PCDH15: variants seen among roughly 807,000 people sequenced by gnomAD.
PCDH15 encodes protocadherin-15.
A neutral mutation model predicts 178.5 loss-of-function variants in PCDH15; 129 were observed. The ratio of observed to expected loss-of-function variants is 0.72; its 90% CI spans 0.63 to 0.84. The LOEUF (loss-of-function observed/expected upper bound fraction) is 0.84, where lower values mean the gene tolerates loss of function less well. PCDH15 is among the 40% of genes least tolerant of loss of function. PCDH15 has a pLI of 0.00. For synonymous variants in PCDH15, 800 were observed against 732.0 expected (o/e 1.09, Z -1.50); for missense variants, 2,230 against 2,099.9 (o/e 1.06, Z -1.21).
chr10:54,269,305 C>T (rs1162109922), intron 8 of PCDH15, among the ~76,000 whole-genome samples: 2 of 151,816 alleles, frequency 1.3e-5, no homozygotes, highest in African/African-American at 4.8e-5. Flanking sequence ...ACTTTTTCCT[C>T]GCATTGGTAG....
At chr10:54,985,036 C>T (rs1277362112) in intron 2 of PCDH15, among the ~76,000 whole-genome samples, 1 of 152,112 alleles carries the variant, frequency 6.6e-6, no homozygotes, top group Non-Finnish European at 1.5e-5. Flanking sequence ...ACCCTTTCCA[C>T]CCTCCCAGGG....
At chr10:53,919,041 G>A (rs2083775546) in intron 25 of PCDH15, among the ~76,000 whole-genome samples, 1 of 152,072 alleles carries the variant, frequency 6.6e-6, no homozygotes, top group Non-Finnish European at 1.5e-5. Flanking sequence ...TTCTTCTGTT[G>A]CATCAGTCTG....
intron 2 of PCDH15, among the ~76,000 whole-genome samples, chr10:55,393,982 A>G (rs1837861792): frequency 6.6e-6 from 1 of 151,836 alleles, no homozygotes; most frequent in Admixed American, 6.6e-5. Flanking sequence ...AATATATATA[A>G]CTTTTTTTTT....
At chr10:54,488,268 T>G (rs1394444973) in intron 3 of PCDH15, among the ~76,000 whole-genome samples, 2 of 151,886 alleles carry the variant, frequency 1.3e-5, no homozygotes, top group East Asian at 3.9e-4. Context: ...GTTTTGAACT[T>G]ATATTAAACC....
At chr10:55,594,204 G>T (rs1301730048) in intron 2 of PCDH15, among the ~76,000 whole-genome samples, 1 of 151,760 alleles carries the variant, frequency 6.6e-6, no homozygotes, top group Non-Finnish European at 1.5e-5. Context: ...CTTTTTACAA[G>T]AAATGTGTGT....
intron 8 of PCDH15, among the ~76,000 whole-genome samples, chr10:54,242,148 A>G (rs1195098810): frequency 8.1e-5 from 6 of 73,710 alleles, no homozygotes; most frequent in African/African-American, 4.1e-4. Context: ...ATATATATAT[A>G]TATATATATA....
chr10:54,348,006 G>A lies in PCDH15; in HGVS notation c.475-1522C>T, dbSNP rs902747968. 6.6e-5 allele frequency among the ~76,000 whole-genome samples: 10 copies of A among 151,740 alleles called. No individual in the cohort carries two copies. In the South Asian group the frequency reaches 1.3e-3, roughly 19 times the overall value. ...TGGGACCACAGGCGCCCACCACCACGCCCGGCTAATTTTTTGTATTTTTAG... is the reference window on the plus strand; with the variant it reads ...TGGGACCACAGGCGCCCACCACCACACCCGGCTAATTTTTTGTATTTTTAG... On this transcript the variant is annotated intron_variant, in intron 5 of 37. Transcript: ENST00000644397.
chr10:54,539,058 GA>G (rs1261282447), intron 2 of PCDH15, among the ~76,000 whole-genome samples: 1 of 152,170 alleles, frequency 6.6e-6, no homozygotes, highest in Non-Finnish European at 1.5e-5. Flanking sequence ...CAATGAGTAT[GA>G]AATGCTTTTT....
At chr10:55,078,903 C>G (rs1841973685) in intron 2 of PCDH15, among the ~76,000 whole-genome samples, 1 of 152,090 alleles carries the variant, frequency 6.6e-6, no homozygotes, top group Non-Finnish European at 1.5e-5. Context: ...AGTTACTTCA[C>G]TTAGAATAAC....
At chr10:54,154,495 C>CTTTA (rs1454999143) in intron 13 of PCDH15, among the ~76,000 whole-genome samples, 1 of 152,020 alleles carries the variant, frequency 6.6e-6, no homozygotes, top group African/African-American at 2.4e-5. Flanking sequence ...TGCTGGTATA[C>CTTTA]CTTCCTTGAT....
In PCDH15 at chr10:54,378,810, T is replaced by C. The variant is rs1948816721; in HGVS notation, c.290A>G (p.Asn97Ser). The C allele has an allele frequency of 4.3e-6, 7 of 1,613,718 alleles. No homozygotes were observed. Among genetic ancestry groups the C allele is most frequent in the Non-Finnish European group, 5.9e-6 (7 of 1,179,866 alleles). ...MDPVKQMLFLNSTGRVLDRDP... is the reference protein window; with the variant it reads ...MDPVKQMLFLSSTGRVLDRDP... ...TCTATCCAGAACTCTTCCGGTGCTG[T>C]TCAGGAAAAGCATTTGCTTAACAGG... Residue 97 changes from asparagine (N) to serine (S), a missense_variant, in exon 4 of 38, where the codon AAC becomes AGC. Asn to Ser is a conservative substitution (Grantham distance 46). Transcript: ENST00000644397.
chr10:53,809,343 C>T (rs2075781191), intron 37 of PCDH15: 2 of 1,613,212 alleles, frequency 1.2e-6, no homozygotes, highest in Non-Finnish European at 1.7e-6. Context: ...GTCTCTGCCA[C>T]TCTTCACCCT....
At chr10:54,120,500 A>T (rs2095197078) in intron 15 of PCDH15, among the ~76,000 whole-genome samples, 1 of 152,134 alleles carries the variant, frequency 6.6e-6, no homozygotes, top group South Asian at 2.1e-4. Flanking sequence ...CAAAACCAAG[A>T]TCCATATGGC....
chr10:54,761,703 CAAA>C (rs1947899487), intron 1 of PCDH15, among the ~76,000 whole-genome samples: 1 of 11,316 alleles, frequency 8.8e-5, no homozygotes. Flanking sequence ...CAAAACAAAA[CAAA>C]ACAAAACAAA....
chr10:55,006,279 C>A (rs1352034442), intron 2 of PCDH15, among the ~76,000 whole-genome samples: 3 of 152,034 alleles, frequency 2.0e-5, no homozygotes, highest in Non-Finnish European at 4.4e-5. Context: ...CACCGCCAAC[C>A]CCAGCCTTCG....
At chr10:55,186,377 T>G (rs1839800205) in intron 1 of PCDH15, among the ~76,000 whole-genome samples, 1 of 151,224 alleles carries the variant, frequency 6.6e-6, no homozygotes, top group Non-Finnish European at 1.5e-5. Context: ...TAAAACAGCC[T>G]AAAAGAAGAT....
rs7922665 is a variant in PCDH15 at position 54,222,952 on chromosome 10, G to A, written c.986-8904C>T. Among the ~76,000 whole-genome samples, 1,511 of 152,160 alleles carry A rather than the reference G, an allele frequency of 9.9e-3. 23 individuals are homozygous for A. The highest frequency in any genetic ancestry group is 0.032 in the African/African-American group (1,311 of 41,536). ...TCAGTGCCTTTTGAAAAGCAAATGC[G>A]TTTTTACTTTGATGAAGTCAAATTT... On this transcript the variant is annotated intron_variant, in intron 9 of 37. Coordinates refer to ENST00000644397, the MANE Select transcript of PCDH15 (RefSeq NM_001384140.1).
intron 13 of PCDH15, among the ~76,000 whole-genome samples, chr10:54,169,336 CT>C (rs1403647810): frequency 1.0e-5 from 1 of 96,660 alleles, no homozygotes; most frequent in African/African-American, 4.1e-5. Context: ...AATACGGAGG[CT>C]ACCCACTCCA....
intron 2 of PCDH15, among the ~76,000 whole-genome samples, chr10:55,509,887 C>G (rs546100818): frequency 6.6e-6 from 1 of 151,814 alleles, no homozygotes; most frequent in Non-Finnish European, 1.5e-5. Flanking sequence ...CTGGAAGGAA[C>G]CTTGGAGACA....
Sources: allele counts gnomAD v4.1 joint callset (sites outside exome capture counted in the v4.1 genomes callset), GRCh38; gene constraint gnomAD v4.1.1; transcripts MANE v1.5; gene names NCBI Gene and HGNC (gene_info 2026-07-23, HGNC 2026-07-21).